WDTC1: variants seen among roughly 807,000 people sequenced by gnomAD.
WDTC1 encodes the protein WD and tetratricopeptide repeats protein 1.
A neutral mutation model predicts 76.0 loss-of-function variants in WDTC1; 12 were observed. The ratio of observed to expected loss-of-function variants is 0.16; its 90% CI spans 0.10 to 0.26. The LOEUF is 0.26. Among genes scored for constraint, WDTC1 ranks in the 10% least tolerant of loss-of-function variants. The probability of loss-of-function intolerance (pLI) is 1.00; values close to 1 mark genes in which losing one functional copy is unlikely to be tolerated. For missense variants in WDTC1, 511 were observed against 908.8 expected (o/e 0.56, Z 5.63); for synonymous variants, 326 against 350.8 (o/e 0.93, Z 0.79).
At chr1:27,244,734 C>T (rs2011755535) in intron 1 of WDTC1, among the ~76,000 whole-genome samples, 1 of 152,038 alleles carries the variant, frequency 6.6e-6, no homozygotes, top group South Asian at 2.1e-4. Flanking sequence ...TAGGATTGCT[C>T]CAATAGAACC....
chr1:27,297,916 C>G lies in WDTC1; in HGVS notation c.1059-22C>G, dbSNP rs866322953. 1.9e-6 allele frequency: 3 copies of G among 1,598,166 alleles called. No individual in the cohort carries two copies. In the Middle Eastern group the frequency reaches 5.0e-4, roughly 267 times the overall value. On this transcript the variant is annotated intron_variant, in intron 11 of 15. Coordinates refer to ENST00000319394, the MANE Select transcript of WDTC1 (RefSeq NM_001276252.2). ...CTCTGACCTTCTTTGACTGTTCTGA[C>G]TTGGCTCTATTTCCCCTGCAGCCCC...
chr1:27,239,810 CAAA>C (rs532939885), intron 1 of WDTC1, among the ~76,000 whole-genome samples: 1 of 60,810 alleles, frequency 1.6e-5, no homozygotes, highest in Non-Finnish European at 3.4e-5. Context: ...GACTCTGTCT[CAAA>C]AAAAAAAAAA....
intron 1 of WDTC1, among the ~76,000 whole-genome samples, chr1:27,236,493 C>T (rs2011492457): frequency 6.6e-6 from 1 of 152,086 alleles, no homozygotes; most frequent in Admixed American, 6.6e-5. Flanking sequence ...TCAACTCTGC[C>T]GAATAATTGA....
At chr1:27,244,448 C>T (rs2011742930) in intron 1 of WDTC1, among the ~76,000 whole-genome samples, 1 of 152,128 alleles carries the variant, frequency 6.6e-6, no homozygotes, top group African/African-American at 2.4e-5. Flanking sequence ...CTCCCTCCTC[C>T]CTCCTGCCTC....
intron 3 of WDTC1, among the ~76,000 whole-genome samples, chr1:27,271,915 G>A (rs1007804007): frequency 2.7e-5 from 4 of 150,846 alleles, no homozygotes; most frequent in African/African-American, 9.7e-5. Context: ...GGGATTATAG[G>A]CGTAAGCCAC....
intron 3 of WDTC1, among the ~76,000 whole-genome samples, chr1:27,267,017 T>C (rs2012696981): frequency 6.6e-6 from 1 of 152,198 alleles, no homozygotes; most frequent in Non-Finnish European, 1.5e-5. Context: ...TTTTTCCACG[T>C]TAGAGGTAGC....
chr1:27,283,503 G>A, intron 5 of WDTC1, 54 bp downstream of exon 5: 2 of 1,569,006 alleles, frequency 1.3e-6, no homozygotes, highest in Admixed American at 1.7e-5. Context: ...GCACAAGAGT[G>A]ACTGGGCTGT....
At chr1:27,276,292 G>A (rs2013026181) in intron 3 of WDTC1, among the ~76,000 whole-genome samples, 1 of 152,268 alleles carries the variant, frequency 6.6e-6, no homozygotes, top group South Asian at 2.1e-4. Context: ...ACTTTTTTGA[G>A]GAACTGCCAA....
chr1:27,256,165 T>C (rs183661756), intron 1 of WDTC1, among the ~76,000 whole-genome samples: 2 of 152,232 alleles, frequency 1.3e-5, no homozygotes, highest in Admixed American at 1.3e-4. Context: ...ACTAAAATCA[T>C]TCATAGACTC....
At chr1:27,282,210 T>G (rs757958116) in intron 3 of WDTC1, 29 bp from the exon 4 acceptor site, 1 of 1,613,180 alleles carries the variant, frequency 6.2e-7, no homozygotes, top group South Asian at 1.1e-5. Context: ...TAACCAACTC[T>G]CTTCCTGTCT....
chr1:27,283,455 C>CAGGACAAGCCACAGAGCA lies in WDTC1; in HGVS notation c.291+9_291+26dup. The CAGGACAAGCCACAGAGCA allele has an allele frequency of 6.2e-7, 1 of 1,601,350 alleles. No homozygotes were observed. The highest frequency in any genetic ancestry group is 8.5e-7 in the Non-Finnish European group (1 of 1,176,592). On this transcript the variant is annotated splice_region_variant and intron_variant, in intron 5 of 15. Coordinates refer to ENST00000319394, the MANE Select transcript of WDTC1 (RefSeq NM_001276252.2). ...CAAATATCTTCTCTGTCAAGGTGAG[C>CAGGACAAGCCACAGAGCA]AGGACAAGCCACAGAGCAAGCACAA...
rs938242416 is a variant in WDTC1 at position 27,303,515 on chromosome 1, C to T, written c.1469-106C>T. ...CCAGGATAAGGGTGGAGGCAGGTAGCTCTATGTTGTCAGACTTTGGACTGA... is the reference window on the plus strand; with the variant it reads ...CCAGGATAAGGGTGGAGGCAGGTAGTTCTATGTTGTCAGACTTTGGACTGA... On this transcript the variant is annotated intron_variant, in intron 13 of 15. Coordinates refer to ENST00000319394, the MANE Select transcript of WDTC1 (RefSeq NM_001276252.2). This position sits in a 1 kb window ranked among gnomAD's most constrained non-coding sequence, Gnocchi z 4.8. 7.2e-7 allele frequency: 1 copy of T among 1,382,348 alleles called. No homozygotes were observed. Among genetic ancestry groups the T allele is most frequent in the East Asian group, 2.6e-5 (1 of 38,366 alleles). 85.6% of individuals were successfully genotyped at this position (1,382,348 alleles called of 1,614,324 possible).
chr1:27,303,910 C>T lies in WDTC1; in HGVS notation c.1643+115C>T. On this transcript the variant is annotated intron_variant, in intron 14 of 15. Coordinates refer to ENST00000319394, the MANE Select transcript of WDTC1 (RefSeq NM_001276252.2). The surrounding 1 kb of genome is among the most constrained non-coding windows in gnomAD (Gnocchi z 4.8). ...CTCAAATCCCTGCTCTGCCTCTGTACCCTTGGGCAAATGGCTTCACCTTTG... is the reference window on the plus strand; with the variant it reads ...CTCAAATCCCTGCTCTGCCTCTGTATCCTTGGGCAAATGGCTTCACCTTTG... 1 of 1,404,952 alleles carries T rather than the reference C, an allele frequency of 7.1e-7. No homozygotes were observed. Among genetic ancestry groups the T allele is most frequent in the Non-Finnish European group, 9.7e-7 (1 of 1,028,946 alleles). 87.0% of individuals were successfully genotyped at this position (1,404,952 alleles called of 1,614,324 possible).
At chr1:27,245,631 G>A (rs544381506) in intron 1 of WDTC1, among the ~76,000 whole-genome samples, 3 of 151,062 alleles carry the variant, frequency 2.0e-5, no homozygotes, top group African/African-American at 4.9e-5. Context: ...GTGCAATGGC[G>A]CAATCTCGGC....
At chr1:27,237,718 G>A (rs1167941288) in intron 1 of WDTC1, among the ~76,000 whole-genome samples, 1 of 152,046 alleles carries the variant, frequency 6.6e-6, no homozygotes, top group African/African-American at 2.4e-5. Flanking sequence ...GGGCATGGTG[G>A]CACGCGCCTG....
At chr1:27,234,467 A>T (rs1481469762), upstream of WDTC1, 4 of 274,058 alleles carry the variant, frequency 1.5e-5, no homozygotes, top group Admixed American at 5.4e-5. Flanking sequence ...CCCCACTAGC[A>T]GGTTAGTGGG....
At chr1:27,298,953 TG>T (rs1169532079) in intron 12 of WDTC1, among the ~76,000 whole-genome samples, 2 of 152,072 alleles carry the variant, frequency 1.3e-5, no homozygotes, top group Non-Finnish European at 2.9e-5. Flanking sequence ...TAATGCTAGG[TG>T]GGGGTGGGGA....
At chr1:27,293,003 C>T (rs1344935357) in intron 7 of WDTC1, among the ~76,000 whole-genome samples, 1 of 150,760 alleles carries the variant, frequency 6.6e-6, no homozygotes, top group Non-Finnish European at 1.5e-5. Flanking sequence ...CTGCCCGCCT[C>T]GGCCTCCCAA....
At chr1:27,268,754 G>A (rs1415090422) in intron 3 of WDTC1, among the ~76,000 whole-genome samples, 3 of 136,318 alleles carry the variant, frequency 2.2e-5, no homozygotes, top group Non-Finnish European at 3.2e-5. Context: ...TCACTCTGTC[G>A]CTCAGGCTGG....
Sources: allele counts gnomAD v4.1 joint callset (sites outside exome capture counted in the v4.1 genomes callset), GRCh38; gene constraint gnomAD v4.1.1; non-coding constraint Gnocchi (gnomAD v3.1); transcripts MANE v1.5; gene names NCBI Gene and HGNC (gene_info 2026-07-23, HGNC 2026-07-21).